VWA3B: variants seen among roughly 807,000 people sequenced by gnomAD.
VWA3B encodes von Willebrand factor A domain containing 3B.
Under a neutral mutation model 158.3 loss-of-function variants are expected in VWA3B, and 138 were observed. That is an observed-to-expected ratio of 0.87 (90% CI 0.76 to 1.00). The LOEUF is 1.00. Ranked by LOEUF, VWA3B falls within the 50% of genes least tolerant of loss-of-function variation. The pLI, the probability that VWA3B is intolerant of heterozygous loss-of-function variation, is 0.00. For synonymous variants in VWA3B, 596 were observed against 587.3 expected, an observed-to-expected ratio of 1.01 and a Z score of -0.21; for missense variants, 1,555 against 1,565.1, an observed-to-expected ratio of 0.99 and a Z score of 0.11.
chr2:98,178,930 T>G (rs1680239765), intron 8 of VWA3B, among the ~76,000 whole-genome samples: 1 of 152,184 alleles, frequency 6.6e-6, no homozygotes, highest in Non-Finnish European at 1.5e-5. Flanking sequence ...CAGGAACCCC[T>G]TCTGCGTCTT....
At chr2:98,225,821 T>C (rs1684881394) in intron 14 of VWA3B, among the ~76,000 whole-genome samples, 1 of 152,126 alleles carries the variant, frequency 6.6e-6, no homozygotes, top group Non-Finnish European at 1.5e-5. Flanking sequence ...GAAAATTAAA[T>C]ACCCAATACC....
At chr2:98,203,335 G>A (rs536747082) in intron 12 of VWA3B, among the ~76,000 whole-genome samples, 154 of 152,264 alleles carry the variant, frequency 1.0e-3, no homozygotes, top group Non-Finnish European at 1.5e-3. Flanking sequence ...GATAGCTATA[G>A]CTGTATAGTG....
intron 22 of VWA3B, among the ~76,000 whole-genome samples, chr2:98,273,398 A>G (rs894357329): frequency 2.6e-5 from 4 of 152,240 alleles, no homozygotes; most frequent in African/African-American, 9.6e-5. Flanking sequence ...ACAGAAGGTC[A>G]TATGTCTAGT....
chr2:98,279,504 T>A (rs556708295), intron 22 of VWA3B, among the ~76,000 whole-genome samples: 1 of 152,016 alleles, frequency 6.6e-6, no homozygotes, highest in African/African-American at 2.4e-5. Flanking sequence ...GAAAACGGAG[T>A]GTAGAGGGCT....
At chr2:98,330,228 C>T in the VWA3B span, among the ~76,000 whole-genome samples, 1 of 152,176 alleles carries the variant, frequency 6.6e-6, no homozygotes, top group Non-Finnish European at 1.5e-5. Context: ...AGCCCCCAGC[C>T]TCCAAGGGGA....
chr2:98,278,377 C>T (rs1688658901), intron 22 of VWA3B, among the ~76,000 whole-genome samples: 2 of 152,196 alleles, frequency 1.3e-5, no homozygotes, highest in Admixed American at 6.5e-5. Context: ...TTACCGTGCT[C>T]CTTTAGTGTT....
chr2:98,110,654 G>A lies in VWA3B; in HGVS notation c.197-4998G>A, dbSNP rs938455467. ...TGTTACATAGATATATTGTGCAGTGGTGAAGTATGGGCTTTTAGTGTATCC... is the reference window on the plus strand; with the variant it reads ...TGTTACATAGATATATTGTGCAGTGATGAAGTATGGGCTTTTAGTGTATCC... On this transcript the variant is annotated intron_variant, in intron 2 of 27. Transcript: ENST00000477737. Among the ~76,000 whole-genome samples the A allele has an allele frequency of 2.6e-5, 4 of 152,162 alleles. No individual in the cohort carries two copies. In the East Asian group the frequency reaches 7.7e-4, roughly 29 times the overall value.
intron 8 of VWA3B, among the ~76,000 whole-genome samples, chr2:98,179,700 T>TTTCTTTCTTTC (rs1015879593): frequency 1.3e-5 from 2 of 150,740 alleles, no homozygotes; most frequent in Non-Finnish European, 2.9e-5. Context: ...TTCCTTTCTT[T>TTTCTTTCTTTC]TTCTTTCTTT....
chr2:98,099,732 C>T (rs1682955597), intron 2 of VWA3B, among the ~76,000 whole-genome samples: 1 of 151,990 alleles, frequency 6.6e-6, no homozygotes, highest in Admixed American at 6.5e-5. Flanking sequence ...CCCATAAGTC[C>T]CATAGCTTTC....
intron 9 of VWA3B, among the ~76,000 whole-genome samples, chr2:98,185,618 T>G (rs959895331): frequency 6.6e-6 from 1 of 152,188 alleles, no homozygotes; most frequent in African/African-American, 2.4e-5. Flanking sequence ...TGAGCTTGCT[T>G]CCTGTGTTGT....
intron 22 of VWA3B, among the ~76,000 whole-genome samples, chr2:98,278,789 A>T (rs1258956733): frequency 2.0e-5 from 3 of 152,150 alleles, no homozygotes; most frequent in African/African-American, 7.2e-5. Flanking sequence ...TGAAAAAGGC[A>T]ACATTCGAGA....
intron 21 of VWA3B, among the ~76,000 whole-genome samples, chr2:98,261,432 ATT>A: frequency 6.6e-6 from 1 of 151,796 alleles, no homozygotes; most frequent in Non-Finnish European, 1.5e-5. Flanking sequence ...AACAAAAGGA[ATT>A]ACATACCAAA....
chr2:98,242,023 G>C (rs1289033327), intron 19 of VWA3B, among the ~76,000 whole-genome samples: 1 of 152,044 alleles, frequency 6.6e-6, no homozygotes, highest in Non-Finnish European at 1.5e-5. Context: ...TTGATGTTTG[G>C]ACTTTTATGA....
chr2:98,297,348 C>T (rs1689868441), intron 23 of VWA3B, among the ~76,000 whole-genome samples: 1 of 152,196 alleles, frequency 6.6e-6, no homozygotes, highest in African/African-American at 2.4e-5. Context: ...TCCCAAGGTT[C>T]TGAGATTACA....
At chr2:98,193,297 T>TAC (rs370224122) in intron 11 of VWA3B, among the ~76,000 whole-genome samples, 53 of 152,378 alleles carry the variant, frequency 3.5e-4, no homozygotes, top group Admixed American at 1.6e-3. Flanking sequence ...ATCTTTGGTA[T>TAC]ACACACACTT....
intron 2 of VWA3B, among the ~76,000 whole-genome samples, chr2:98,115,393 T>C (rs189265955): frequency 5.3e-5 from 8 of 152,156 alleles, no homozygotes; most frequent in African/African-American, 1.9e-4. Flanking sequence ...TGTATACATA[T>C]GTAACAAACC....
At chr2:98,320,371 C>T in the VWA3B span, among the ~76,000 whole-genome samples, 2 of 152,112 alleles carry the variant, frequency 1.3e-5, no homozygotes, top group Non-Finnish European at 2.9e-5. Context: ...CAGACTAATA[C>T]AGTAAATTGG....
chr2:98,325,119 A>G, the VWA3B span, among the ~76,000 whole-genome samples: 1 of 152,334 alleles, frequency 6.6e-6, no homozygotes, highest in East Asian at 1.9e-4. Context: ...AAATATTTGG[A>G]GAAATAATGG....
At chr2:98,199,222 TTGA>T (rs368434412) in intron 12 of VWA3B, among the ~76,000 whole-genome samples, 12 of 152,244 alleles carry the variant, frequency 7.9e-5, no homozygotes, top group African/African-American at 2.9e-4. Flanking sequence ...TAGTGCTTTA[TTGA>T]TGAGTATGGA....
Sources: gnomAD v4.1 joint callset for allele counts (sites outside exome capture counted in the v4.1 genomes callset) on GRCh38, gnomAD v4.1.1 for gene constraint, MANE v1.5 for transcripts, NCBI Gene and HGNC (gene_info 2026-07-23, HGNC 2026-07-21) for gene names.